The following SLU7 variants were observed in gnomAD, a reference collection of about 807,000 sequenced individuals.
The protein encoded by SLU7 is pre-mRNA-splicing factor SLU7.
Under a neutral mutation model 87.0 loss-of-function variants are expected in SLU7, and 60 were observed. The observed-to-expected ratio is 0.69, with a 90% CI of 0.56 to 0.86. SLU7 has a LOEUF of 0.86. SLU7 is among the 40% of genes least tolerant of loss of function. The pLI is 0.00. For missense variants in SLU7, 507 were observed against 686.6 expected (o/e 0.74, Z 2.92); for synonymous variants, 197 against 222.0 (o/e 0.89, Z 1.00).
At position 160,405,150 on chromosome 5, in the gene SLU7, A is replaced by G. The variant is rs749844383; in HGVS notation, c.1288-15T>C. On this transcript the variant is annotated splice_polypyrimidine_tract_variant and intron_variant, in intron 12 of 15. Coordinates refer to ENST00000297151, the MANE Select transcript of SLU7 (RefSeq NM_006425.5). ...CCCCAGATATGCTGCAGAGAGAGAA[A>G]TTAAAAAGCTTAAAAAGGAAGCTGA... is the stretch of plus-strand genomic sequence containing the variant. 3.8e-6 allele frequency: 6 copies of G among 1,574,988 alleles called. No individual in the cohort carries two copies. The South Asian group carries it at 4.5e-5, about 12-fold the overall frequency.
At chr5:160,416,594 T>C (rs1297387883) in intron 1 of SLU7, among the ~76,000 whole-genome samples, 4 of 152,228 alleles carry the variant, frequency 2.6e-5, no homozygotes, top group Non-Finnish European at 4.4e-5. Flanking sequence ...TCCGTCCCTT[T>C]ACATTAAGTG....
At position 160,407,435 on chromosome 5, in the gene SLU7, C is replaced by T. The variant is rs1463151759; in HGVS notation, c.1125+41G>A. On this transcript the variant is annotated intron_variant, in intron 11 of 15. Coordinates refer to ENST00000297151, the MANE Select transcript of SLU7 (RefSeq NM_006425.5). This position sits in a 1 kb window ranked among gnomAD's most constrained non-coding sequence, Gnocchi z 4.2. ...TAACGCTTATTAACTAGTAACTTCT[C>T]TTTAACAGAAGTTCTTCTTTAGCAT... 6.4e-7 allele frequency: 1 copy of T among 1,566,968 alleles called. No individual in the cohort carries two copies.
At chr5:160,417,698 A>C (rs1252024785) in intron 1 of SLU7, among the ~76,000 whole-genome samples, 1 of 151,164 alleles carries the variant, frequency 6.6e-6, no homozygotes, top group African/African-American at 2.4e-5. Flanking sequence ...AGGCTGAGAC[A>C]GGAGAATCAC....
chr5:160,406,416 A>G, intron 12 of SLU7, 52 bp downstream of exon 12: 1 of 1,412,234 alleles, frequency 7.1e-7, no homozygotes, highest in African/African-American at 1.5e-5. Context: ...GGAAAAATGC[A>G]ATACAGAGCA....
chr5:160,412,877 A>T (rs1765299710), intron 5 of SLU7, among the ~76,000 whole-genome samples: 1 of 152,112 alleles, frequency 6.6e-6, no homozygotes, highest in Non-Finnish European at 1.5e-5. Context: ...ATATTACAAT[A>T]TTCAAGAAAA....
intron 1 of SLU7, among the ~76,000 whole-genome samples, chr5:160,415,636 G>T (rs1765420116): frequency 6.6e-6 from 1 of 152,108 alleles, no homozygotes; most frequent in Non-Finnish European, 1.5e-5. Context: ...AGAAAAGAGG[G>T]TCCTATCTCT....
In SLU7 at chr5:160,407,656, T is replaced by C. The variant is rs1581064028; in HGVS notation, c.986-41A>G. ...ACATCTTAGTGAGTTGGCAGCTGCA[T>C]TACTGTATGCTTCTTGAAAACAAGC... On this transcript the variant is annotated intron_variant, in intron 10 of 15. Transcript: ENST00000297151. This position sits in a 1 kb window ranked among gnomAD's most constrained non-coding sequence, Gnocchi z 4.2. The C allele has an allele frequency of 6.2e-7, 1 of 1,605,134 alleles. No homozygotes were observed. The highest frequency in any genetic ancestry group is 1.1e-5 in the South Asian group (1 of 89,066).
intron 3 of SLU7, 73 bp downstream of exon 3, chr5:160,414,246 T>A: frequency 8.5e-7 from 1 of 1,170,822 alleles, no homozygotes; most frequent in Non-Finnish European, 1.2e-6. Flanking sequence ...TAAATAGTAT[T>A]GCATTAAAAA....
rs1765044628 is a variant in SLU7, at chr5:160,407,078, G to T, written c.1125+398C>A. On this transcript the variant is annotated intron_variant, in intron 11 of 15. Coordinates refer to ENST00000297151, the MANE Select transcript of SLU7 (RefSeq NM_006425.5). This position sits in a 1 kb window ranked among gnomAD's most constrained non-coding sequence, Gnocchi z 4.2. Reference sequence around the variant, plus strand: ...TCTGAGAATGCCATTTTAAAAAGCTGTGCTACCCTACTAGAGGATGAAAGA... The same window carrying T: ...TCTGAGAATGCCATTTTAAAAAGCTTTGCTACCCTACTAGAGGATGAAAGA... Among the ~76,000 whole-genome samples the T allele has an allele frequency of 6.6e-6, 1 of 152,182 alleles. No homozygotes were observed. Among genetic ancestry groups the T allele is most frequent in the Admixed American group, 6.5e-5 (1 of 15,282 alleles).
rs761829805 is a variant in SLU7, at chr5:160,403,297, G to C, written c.1749C>G (p.Phe583Leu). ...RQRPDDPMASFLGQ is the reference protein window; with the variant it reads ...RQRPDDPMASLLGQ ...TTCTGACTAGTTGCTACTGTCCAAG[G>C]AAAGAGGCCATGGGGTCATCTGGCC... Residue 583 changes from phenylalanine (F) to leucine (L), a missense_variant, in exon 16 of 16, where the codon TTC becomes TTG. Physicochemically the swap from Phe to Leu is conservative, Grantham distance 22. Coordinates refer to ENST00000297151, the MANE Select transcript of SLU7 (RefSeq NM_006425.5). 6.3e-7 allele frequency: 1 copy of C among 1,599,586 alleles called. No individual in the cohort carries two copies.
At chr5:160,406,266 AT>A (rs1310283885) in intron 12 of SLU7, 1 of 410,770 alleles carries the variant, frequency 2.4e-6, no homozygotes, top group African/African-American at 2.1e-5. Flanking sequence ...AAATTTCAGA[AT>A]TTAGATGATG....
Position 160,403,362 on chromosome 5 carries a change from T to C in SLU7, c.1684A>G (p.Thr562Ala), listed in dbSNP as rs777471343. ...YNSMYETREP[T>A]EEEMEAYRMK... ...CTATATGCCTCCATTTCCTCTTCAG[T>C]AGGTTCTCGAGTTTCATACATGCTA... Residue 562 changes from threonine to alanine, a missense_variant, in exon 16 of 16, where the codon ACT becomes GCT. By Grantham distance (58) the Thr-to-Ala change is moderately conservative (BLOSUM62 0). Around this residue, in one of 6 missense-constraint regions of SLU7, gnomAD observed 201 missense variants for 213.4 expected, o/e 0.94. Coordinates refer to ENST00000297151, the MANE Select transcript of SLU7 (RefSeq NM_006425.5). The C allele has an allele frequency of 6.2e-7, 1 of 1,613,582 alleles. No homozygotes were observed. Among genetic ancestry groups the C allele is most frequent in the Non-Finnish European group, 8.5e-7 (1 of 1,179,808 alleles).
rs569643661 is a variant in SLU7 at position 160,406,905 on chromosome 5, T to C, written c.1126-276A>G. Among the ~76,000 whole-genome samples the C allele has an allele frequency of 1.8e-4, 28 of 152,382 alleles. No homozygotes were observed. The South Asian group carries it at 5.8e-3, about 32-fold the overall frequency. ...CCCTTTTGCCACAGGGCTTTGCTTT[T>C]CTTCCCATCAAGAGACGAAGTCTTT... On this transcript the variant is annotated intron_variant, in intron 11 of 15. Coordinates refer to ENST00000297151, the MANE Select transcript of SLU7 (RefSeq NM_006425.5).
intron 5 of SLU7, among the ~76,000 whole-genome samples, chr5:160,413,253 G>T (rs920685733): frequency 8.5e-5 from 13 of 152,050 alleles, no homozygotes; most frequent in African/African-American, 3.1e-4. Flanking sequence ...AATCAAATAA[G>T]AAGAAACTGC....
At position 160,403,547 on chromosome 5, in the gene SLU7, C is replaced by T. The variant is rs562296583; in HGVS notation, c.1582-83G>A. On this transcript the variant is annotated intron_variant, in intron 15 of 15. Transcript: ENST00000297151. The stretch of plus-strand genomic sequence containing the variant: ...AAAGTGGCAGAGTACCAACACACCC[C>T]ACTGAATATGAACTGCTCTATCAAA... 4.6e-5 allele frequency: 56 copies of T among 1,228,962 alleles called. No homozygotes were observed. In the African/African-American group the frequency reaches 8.0e-4, roughly 17 times the overall value. The allele number at this position is 1,228,962 out of a possible 1,614,324, so 76.1% of individuals were successfully genotyped here. A position where few individuals can be genotyped will look rare whatever the true frequency, so the allele number is the denominator to read the frequency against.
chr5:160,405,193 T>A (rs1764959184), intron 12 of SLU7, 58 bp from the exon 13 acceptor site: 9 of 1,170,416 alleles, frequency 7.7e-6, no homozygotes, highest in Non-Finnish European at 1.2e-5. Flanking sequence ...AACTTCTGTA[T>A]ACTGTTGATA....
rs1390743079 is a variant in SLU7 at position 160,402,223 on chromosome 5, TA to T, written c.*1061del. On this transcript the variant is annotated 3_prime_UTR_variant, in exon 16 of 16. Transcript: ENST00000297151. ...AAATCTAATATTCATGATTGTTACA[TA>T]GGGGCAATCACAATGAAAACAAACG... The T allele has an allele frequency of 6.6e-6, 1 of 152,210 alleles. No individual in the cohort carries two copies. Among genetic ancestry groups the T allele is most frequent in the Non-Finnish European group, 1.5e-5 (1 of 68,038 alleles). 9.4% of individuals were successfully genotyped at this position (152,210 alleles called of 1,614,324 possible). A position where few individuals can be genotyped will look rare whatever the true frequency, so the allele number is the denominator to read the frequency against.
At chr5:160,403,511 T>C in intron 15 of SLU7, 47 bp from the exon 16 acceptor site, 1 of 1,485,500 alleles carries the variant, frequency 6.7e-7, no homozygotes, top group Non-Finnish European at 9.0e-7. Context: ...ACATCAGATG[T>C]CTTTTCTTCA....
At chr5:160,411,811 C>G (rs1269698558) in intron 6 of SLU7, among the ~76,000 whole-genome samples, 1 of 151,792 alleles carries the variant, frequency 6.6e-6, no homozygotes, top group African/African-American at 2.4e-5. Context: ...TGCAATAGAC[C>G]TTTCATTCAT....
Sources: allele counts gnomAD v4.1 joint callset (sites outside exome capture counted in the v4.1 genomes callset), GRCh38; gene constraint gnomAD v4.1.1; regional missense constraint gnomAD v4.1.1; non-coding constraint Gnocchi (gnomAD v3.1); transcripts MANE v1.5; gene names NCBI Gene and HGNC (gene_info 2026-07-23, HGNC 2026-07-21).